INO80: variants seen among roughly 807,000 people sequenced by gnomAD.
The protein encoded by INO80 is chromatin-remodeling ATPase INO80.
In INO80, 20 loss-of-function variants were observed where a neutral mutation model predicts 203.4. That is an observed-to-expected ratio of 0.10 (90% CI 0.07 to 0.14). The LOEUF is 0.14. INO80 is among the 10% of genes least tolerant of loss of function. The pLI is 1.00. For missense variants in INO80, 1,419 were observed against 1,914.4 expected, an observed-to-expected ratio of 0.74 and a Z score of 4.83; for synonymous variants, 726 against 685.2, an observed-to-expected ratio of 1.06 and a Z score of -0.93.
At chr15:41,068,057 T>C (rs2045250819) in intron 14 of INO80, among the ~76,000 whole-genome samples, 1 of 152,192 alleles carries the variant, frequency 6.6e-6, no homozygotes, top group Non-Finnish European at 1.5e-5. Flanking sequence ...ATTAATTAAA[T>C]CGATGTTCAC....
At chr15:41,108,540 C>A (rs1306801630) in intron 1 of INO80, among the ~76,000 whole-genome samples, 1 of 146,606 alleles carries the variant, frequency 6.8e-6, no homozygotes, top group Non-Finnish European at 1.5e-5. Context: ...TGCAGTGAGC[C>A]GAGATCTCGC....
chr15:41,089,854 G>C (rs2045609699), intron 5 of INO80, among the ~76,000 whole-genome samples: 1 of 151,900 alleles, frequency 6.6e-6, no homozygotes, highest in Admixed American at 6.6e-5. Flanking sequence ...AGCTTTCTAA[G>C]AGAGAAACAC....
intron 25 of INO80, 156 bp downstream of exon 25, chr15:41,027,440 G>C: frequency 1.6e-6 from 1 of 633,022 alleles, no homozygotes. Context: ...GGGCAGGCCA[G>C]AATCACAAAT....
At chr15:41,097,416 C>T (rs545303900) in intron 1 of INO80, among the ~76,000 whole-genome samples, 11 of 152,226 alleles carry the variant, frequency 7.2e-5, no homozygotes, top group African/African-American at 2.2e-4. Context: ...AAGGGTTACA[C>T]GAAGACTAAA....
At chr15:41,082,143 G>A (rs755769960) in intron 7 of INO80, among the ~76,000 whole-genome samples, 41 of 151,700 alleles carry the variant, frequency 2.7e-4, no homozygotes, top group Non-Finnish European at 5.3e-4. Flanking sequence ...CTAGCTACTC[G>A]GGAGGCTGAA....
intron 32 of INO80, 77 bp downstream of exon 32, chr15:40,985,261 G>A: frequency 1.0e-6 from 1 of 978,596 alleles, no homozygotes; most frequent in Non-Finnish European, 1.7e-6. Flanking sequence ...AAGATGAGAA[G>A]CCATGTACCC....
At chr15:41,008,281 G>A (rs1244583378) in intron 27 of INO80, among the ~76,000 whole-genome samples, 1 of 150,994 alleles carries the variant, frequency 6.6e-6, no homozygotes, top group Non-Finnish European at 1.5e-5. Context: ...TAAAAAGAAG[G>A]AAATCAACAT....
chr15:40,985,187 G>T lies in INO80; in HGVS notation c.3921+151C>A, dbSNP rs184829410. The T allele has an allele frequency of 3.2e-3, 2,040 of 630,584 alleles. 18 individuals are homozygous for T. Among genetic ancestry groups the T allele is most frequent in the South Asian group, 0.011 (601 of 52,454 alleles). 39.1% of individuals were successfully genotyped at this position (630,584 alleles called of 1,614,324 possible). A position where few individuals can be genotyped will look rare whatever the true frequency, so the allele number is the denominator to read the frequency against. On this transcript the variant is annotated intron_variant, in intron 32 of 35. Transcript: ENST00000648947. Reference sequence around the variant, plus strand: ...CAAGGCCACATTTCTCCTGAGCAAAGCGTGAGTCAGCCCAGAAATGTAGCT... The same window carrying T: ...CAAGGCCACATTTCTCCTGAGCAAATCGTGAGTCAGCCCAGAAATGTAGCT...
Position 41,048,264 on chromosome 15 carries a change from A to C in INO80, c.2589T>G (p.Val863=), listed in dbSNP as rs773084539. Reference sequence around the variant, plus strand: ...TATAGTCTGGTGCAAATGGAGAAAGAACCCTTAACCACCTGCAAAGTAAGT... The same window carrying C: ...TATAGTCTGGTGCAAATGGAGAAAGCACCCTTAACCACCTGCAAAGTAAGT... ...FNHSRDRWLR[V]LSPFAPDYIQ... Residue 863 remains valine, a synonymous_variant, in exon 22 of 36, where the codon GTT becomes GTG. Transcript: ENST00000648947. 2.5e-6 allele frequency: 4 copies of C among 1,612,570 alleles called. No homozygotes were observed. Among genetic ancestry groups the C allele is most frequent in the Non-Finnish European group, 3.4e-6 (4 of 1,178,734 alleles).
intron 9 of INO80, among the ~76,000 whole-genome samples, chr15:41,076,274 T>C (rs2045400755): frequency 6.6e-6 from 1 of 151,582 alleles, no homozygotes; most frequent in South Asian, 2.1e-4. Flanking sequence ...AGCAGGAGAA[T>C]CGCTTGAACC....
intron 14 of INO80, among the ~76,000 whole-genome samples, chr15:41,065,212 C>T (rs1265353021): frequency 6.6e-6 from 1 of 151,758 alleles, no homozygotes; most frequent in Non-Finnish European, 1.5e-5. Context: ...CAGAGGAGGG[C>T]AGATCACCTG....
At chr15:41,087,750 G>A (rs1266438128) in intron 5 of INO80, 68 bp from the exon 6 acceptor site, 2 of 1,513,656 alleles carry the variant, frequency 1.3e-6, no homozygotes, top group Non-Finnish European at 1.8e-6. Flanking sequence ...CTTTACTACA[G>A]AAAACTAAGC....
intron 29 of INO80, among the ~76,000 whole-genome samples, chr15:40,991,329 T>G (rs2043814405): frequency 1.3e-5 from 2 of 151,994 alleles, no homozygotes; most frequent in Admixed American, 1.3e-4. Flanking sequence ...ACGTACAAAC[T>G]AATAGGTTAA....
intron 28 of INO80, among the ~76,000 whole-genome samples, chr15:40,998,195 A>C (rs2043907328): frequency 6.6e-6 from 1 of 151,590 alleles, no homozygotes; most frequent in Admixed American, 6.6e-5. Flanking sequence ...CTAATTTTTA[A>C]TATTTTTAGT....
chr15:41,094,500 C>T (rs1472372825), intron 4 of INO80, among the ~76,000 whole-genome samples: 1 of 152,170 alleles, frequency 6.6e-6, no homozygotes, highest in African/African-American at 2.4e-5. Context: ...TTACTAACTG[C>T]CTGCCTCCTT....
At chr15:41,005,776 C>G in intron 27 of INO80, 89 bp from the exon 28 acceptor site, 1 of 685,482 alleles carries the variant, frequency 1.5e-6, no homozygotes, top group Non-Finnish European at 2.6e-6. Context: ...TCTACCTTGT[C>G]CACACTGGAG....
In INO80 at chr15:41,065,744, G is replaced by T. The variant is rs1596305345; in HGVS notation, c.1782+3826C>A. Among the ~76,000 whole-genome samples the T allele has an allele frequency of 2.0e-5, 3 of 152,120 alleles. No individual in the cohort carries two copies. The East Asian group carries it at 5.8e-4, about 29-fold the overall frequency. On this transcript the variant is annotated intron_variant, in intron 14 of 35. Coordinates refer to ENST00000648947, the MANE Select transcript of INO80 (RefSeq NM_017553.3). The stretch of plus-strand genomic sequence containing the variant: ...TGACACATGCTATAATATGGATGAA[G>T]CTTGAAAACTTTATACTCAGTAAAA...
At chr15:41,078,201 A>C (rs1179490244) in intron 9 of INO80, among the ~76,000 whole-genome samples, 1 of 152,124 alleles carries the variant, frequency 6.6e-6, no homozygotes, top group Non-Finnish European at 1.5e-5. Flanking sequence ...CCCGGCCAAG[A>C]ATAATATCTT....
intron 25 of INO80, among the ~76,000 whole-genome samples, chr15:41,022,110 G>C (rs1566914399): frequency 6.6e-6 from 1 of 152,218 alleles, no homozygotes; most frequent in African/African-American, 2.4e-5. Flanking sequence ...ATGCACTAAG[G>C]AAATGCTCAT....
Sources: allele counts gnomAD v4.1 joint callset (sites outside exome capture counted in the v4.1 genomes callset), GRCh38; gene constraint gnomAD v4.1.1; transcripts MANE v1.5; gene names NCBI Gene and HGNC (gene_info 2026-07-23, HGNC 2026-07-21).